TSHR: variants seen among roughly 807,000 people sequenced by gnomAD.
The protein encoded by TSHR is thyroid stimulating hormone receptor, also known as thyrotropin receptor.
In TSHR, 51 loss-of-function variants were observed where a neutral mutation model predicts 64.1. That is an observed-to-expected ratio of 0.80 (90% CI 0.64 to 1.01). The LOEUF is 1.01. Ranked by LOEUF, TSHR falls within the 50% of genes least tolerant of loss-of-function variation. The pLI, the probability that TSHR is intolerant of heterozygous loss-of-function variation, is 0.00. For synonymous variants in TSHR, 361 were observed against 361.9 expected (o/e 1.00, Z 0.03); for missense variants, 877 against 942.8 (o/e 0.93, Z 0.91).
intron 6 of TSHR, chr14:81,093,616 T>C (rs1458623713): frequency 1.3e-5 from 2 of 152,224 alleles, no homozygotes; most frequent in African/African-American, 2.4e-5. Context: ...ACAGTTCTTC[T>C]AAGGGGCTAT....
At chr14:81,010,292 G>T (rs1250622327) in intron 1 of TSHR, among the ~76,000 whole-genome samples, 1 of 151,900 alleles carries the variant, frequency 6.6e-6, no homozygotes, top group Non-Finnish European at 1.5e-5. Context: ...TTTTAAATAT[G>T]TATTGACTAA....
intron 3 of TSHR, among the ~76,000 whole-genome samples, chr14:81,077,786 T>C (rs1887606660): frequency 6.6e-6 from 1 of 152,190 alleles, no homozygotes; most frequent in Non-Finnish European, 1.5e-5. Flanking sequence ...TCTTTTGGAT[T>C]AATCTAGTTG....
chr14:81,033,723 A>G (rs558442995), intron 1 of TSHR, among the ~76,000 whole-genome samples: 6 of 152,284 alleles, frequency 3.9e-5, no homozygotes, highest in African/African-American at 1.4e-4. Flanking sequence ...ACAAATAAGA[A>G]ATCAAAAAGT....
chr14:81,110,422 G>A (rs1440664079), intron 8 of TSHR, among the ~76,000 whole-genome samples: 1 of 152,250 alleles, frequency 6.6e-6, no homozygotes, highest in Admixed American at 6.5e-5. Flanking sequence ...TGAGGCCACA[G>A]CAAGAAGGTG....
At chr14:80,989,732 C>T (rs946057797) in intron 1 of TSHR, among the ~76,000 whole-genome samples, 1 of 152,044 alleles carries the variant, frequency 6.6e-6, no homozygotes, top group Non-Finnish European at 1.5e-5. Context: ...TTTATAAAAT[C>T]ATCGGATTTT....
At position 81,033,407 on chromosome 14, in the gene TSHR, G is replaced by A. The variant is rs1048030255; in HGVS notation, c.171-28741G>A. 22 of 207,602 alleles carry A rather than the reference G, an allele frequency of 1.1e-4. No individual in the cohort carries two copies. In the South Asian group the frequency reaches 1.2e-3, roughly 11 times the overall value. 12.9% of individuals were successfully genotyped at this position (207,602 alleles called of 1,614,324 possible). Reference sequence around the variant, plus strand: ...ACAGAGAAACACTGCAGAAGCTAAGGCATAGAAATTCTGCAGCATGATGTT... The same window carrying A: ...ACAGAGAAACACTGCAGAAGCTAAGACATAGAAATTCTGCAGCATGATGTT... On this transcript the variant is annotated intron_variant, in intron 1 of 9. Coordinates refer to ENST00000298171, the MANE Select transcript of TSHR (RefSeq NM_000369.5).
intron 1 of TSHR, chr14:80,994,578 C>G (rs1028945956): frequency 3.3e-5 from 5 of 152,122 alleles, no homozygotes; most frequent in African/African-American, 1.2e-4. Context: ...TAAGACCACA[C>G]ACATACAACT....
chr14:81,034,727 T>G (rs1006394940), intron 1 of TSHR, among the ~76,000 whole-genome samples: 2 of 152,216 alleles, frequency 1.3e-5, no homozygotes, highest in Admixed American at 6.5e-5. Flanking sequence ...CAGAAATAGC[T>G]TTTTATAGAA....
intron 1 of TSHR, among the ~76,000 whole-genome samples, chr14:81,030,834 A>G (rs1321369206): frequency 6.6e-6 from 1 of 152,160 alleles, no homozygotes; most frequent in African/African-American, 2.4e-5. Context: ...TTAACCAATA[A>G]GATTGTCAGT....
At chr14:81,099,636 G>A (rs1311482485) in intron 7 of TSHR, 7 of 152,178 alleles carry the variant, frequency 4.6e-5, no homozygotes, top group African/African-American at 7.2e-5. Context: ...GTTAGTCCAC[G>A]AGAACCTGAC....
chr14:81,144,377 G>A lies in TSHR; in HGVS notation c.*24G>A, dbSNP rs770838278. 2 of 1,609,970 alleles carry A rather than the reference G, an allele frequency of 1.2e-6. No homozygotes were observed. Among genetic ancestry groups the A allele is most frequent in the South Asian group, 2.2e-5 (2 of 90,964 alleles). ...AAGTTAACACTACACTACTCACAAT[G>A]GTAGGGGAACTTACAAAATAATAGT... is the stretch of plus-strand genomic sequence containing the variant. On this transcript the variant is annotated 3_prime_UTR_variant, in exon 10 of 10. Coordinates refer to ENST00000298171, the MANE Select transcript of TSHR (RefSeq NM_000369.5).
chr14:81,092,444 G>C, intron 5 of TSHR, 87 bp from the exon 6 acceptor site: 1 of 1,171,850 alleles, frequency 8.5e-7, no homozygotes, highest in Non-Finnish European at 1.3e-6. Context: ...ATTGTGTCCT[G>C]TTATTTAAGT....
chr14:81,057,910 A>G (rs2139883527), intron 1 of TSHR, among the ~76,000 whole-genome samples: 1 of 152,334 alleles, frequency 6.6e-6, no homozygotes, highest in Non-Finnish European at 1.5e-5. Context: ...ACCCACACCT[A>G]TATATGCACA....
At chr14:81,090,985 A>G in intron 4 of TSHR, 84 bp from the exon 5 acceptor site, 2 of 1,172,760 alleles carry the variant, frequency 1.7e-6, no homozygotes, top group Non-Finnish European at 2.5e-6. Context: ...CCATGCTTTC[A>G]GCTATTACAT....
chr14:81,114,398 T>G (rs1204261297), intron 8 of TSHR, among the ~76,000 whole-genome samples: 1 of 152,176 alleles, frequency 6.6e-6, no homozygotes, highest in Admixed American at 6.5e-5. Context: ...TTCCCTTTCC[T>G]AGTCAAAGAA....
At position 81,144,150 on chromosome 14, in the gene TSHR, A is replaced by T. The variant is rs755360771; in HGVS notation, c.2092A>T (p.Ile698Phe). The change falls in exon 10 of 10, where the codon ATC becomes TTC. Residue 698 changes from isoleucine to phenylalanine, a missense_variant. Physicochemically the swap from Ile to Phe is conservative, Grantham distance 21. Coordinates refer to ENST00000298171, the MANE Select transcript of TSHR (RefSeq NM_000369.5). Reference protein sequence around the residue: ...DVFILLSKFGICKRQAQAYRG... With the variant: ...DVFILLSKFGFCKRQAQAYRG... ...GTTCATCCTACTCAGCAAGTTTGGC[A>T]TCTGTAAACGCCAGGCTCAGGCATA... 1.9e-6 allele frequency: 3 copies of T among 1,614,138 alleles called. No homozygotes were observed. In the Admixed American group the frequency reaches 5.0e-5, roughly 27 times the overall value.
At chr14:81,109,028 G>C in intron 8 of TSHR, 4 of 1,204,308 alleles carry the variant, frequency 3.3e-6, no homozygotes, top group Non-Finnish European at 4.2e-6. Context: ...CTTCCCTGAA[G>C]CCTCTGTATC....
intron 1 of TSHR, among the ~76,000 whole-genome samples, chr14:80,976,325 G>A (rs1269018485): frequency 6.6e-6 from 1 of 152,212 alleles, no homozygotes; most frequent in Non-Finnish European, 1.5e-5. Flanking sequence ...CTGTCTTCCT[G>A]AGGAGAAGCT....
intron 3 of TSHR, among the ~76,000 whole-genome samples, chr14:81,076,924 G>A (rs1346686522): frequency 6.6e-6 from 1 of 152,082 alleles, no homozygotes; most frequent in Admixed American, 6.6e-5. Flanking sequence ...TTCTCATCAT[G>A]CTTCACTCCT....
Sources: allele counts gnomAD v4.1 joint callset (sites outside exome capture counted in the v4.1 genomes callset), GRCh38; gene constraint gnomAD v4.1.1; transcripts MANE v1.5; gene names NCBI Gene and HGNC (gene_info 2026-07-23, HGNC 2026-07-21).